The following DNAJC14 variants were observed in gnomAD, a reference collection of about 807,000 sequenced individuals.
DNAJC14 encodes DnaJ heat shock protein family (Hsp40) member C14, also known as dnaJ homolog subfamily C member 14.
DNAJC14 carries 12 observed loss-of-function variants against 68.8 expected under a neutral mutation model. That is an observed-to-expected ratio of 0.17 (90% confidence interval 0.11 to 0.28). DNAJC14 has a LOEUF of 0.28. Among genes scored for constraint, DNAJC14 ranks in the 10% least tolerant of loss-of-function variants. The probability of loss-of-function intolerance (pLI) is 1.00; values close to 1 mark genes in which losing one functional copy is unlikely to be tolerated. For synonymous variants in DNAJC14, 350 were observed against 321.5 expected (o/e 1.09, Z -0.95); for missense variants, 764 against 875.6 (o/e 0.87, Z 1.61).
At chr12:55,830,381 G>C (rs1305105441), upstream of DNAJC14, 1 of 152,250 alleles carries the variant, frequency 6.6e-6, no homozygotes, top group African/African-American at 2.4e-5. Flanking sequence ...AGACCCAGTT[G>C]GGTCCCCGTT....
rs556538236 is a variant in DNAJC14, at chr12:55,829,556, G to A, written c.-124C>T. The A allele has an allele frequency of 2.0e-6, 2 of 984,906 alleles. No homozygotes were observed. Among genetic ancestry groups the A allele is most frequent in the Non-Finnish European group, 2.4e-6 (2 of 829,886 alleles). 61.0% of individuals were successfully genotyped at this position (984,906 alleles called of 1,614,324 possible). ...GGGGCCAGGGTGAGCTACGAGAGCC[G>A]CTCTCCCGGCTCCGCCTCCCGCTCA... On this transcript the variant is annotated 5_prime_UTR_variant, in exon 1 of 7. Coordinates refer to ENST00000678005, the MANE Select transcript of DNAJC14 (RefSeq NM_032364.6).
At chr12:55,829,001 G>A (rs1880886121) in intron 1 of DNAJC14, 1 of 720,936 alleles carries the variant, frequency 1.4e-6, no homozygotes, top group Admixed American at 5.5e-5. Context: ...GGGAGGGTGG[G>A]TCACTCTTAG....
intron 2 of DNAJC14, among the ~76,000 whole-genome samples, chr12:55,823,895 G>A (rs1298274226): frequency 1.3e-5 from 2 of 149,112 alleles, no homozygotes; most frequent in Non-Finnish European, 3.0e-5. Context: ...GTGGAGACGG[G>A]GTTTCATCTA....
chr12:55,827,683 G>A lies in DNAJC14; in HGVS notation c.976C>T (p.Leu326=), dbSNP rs748424256. The A allele has an allele frequency of 1.7e-5, 28 of 1,613,924 alleles. No homozygotes were observed. Among genetic ancestry groups the A allele is most frequent in the East Asian group, 2.2e-5 (1 of 44,892 alleles). The change falls in exon 2 of 7, where the codon CTG becomes TTG. Residue 326 remains leucine, a synonymous_variant. Coordinates refer to ENST00000678005, the MANE Select transcript of DNAJC14 (RefSeq NM_032364.6). ...GVGLFTRFLK[L]LGALLLLALA... ...GCCAGGAGCAGCAAAGCACCCAGCA[G>A]CTTAAGAAAACGAGTAAACAGTCCT...
At position 55,828,388 on chromosome 12, in the gene DNAJC14, C is replaced by G. The variant is rs1239342924; in HGVS notation, c.271G>C (p.Asp91His). 1 of 1,614,102 alleles carries G rather than the reference C, an allele frequency of 6.2e-7. No individual in the cohort carries two copies. Among genetic ancestry groups the G allele is most frequent in the South Asian group, 1.1e-5 (1 of 91,072 alleles). Residue 91 changes from aspartate (D) to histidine (H), a missense_variant, in exon 2 of 7, where the codon GAT becomes CAT. Coordinates refer to ENST00000678005, the MANE Select transcript of DNAJC14 (RefSeq NM_032364.6). ...TCTTCTGAAGACGTCTCACTCTGAT[C>G]AGGGTCCTCTGCATCTCTAGGTGGT... ...PGPPRDAEDPDQSETSSEEES... is the reference protein window; with the variant it reads ...PGPPRDAEDPHQSETSSEEES...
At chr12:55,824,514 G>A (rs1017182481) in intron 2 of DNAJC14, among the ~76,000 whole-genome samples, 1 of 152,154 alleles carries the variant, frequency 6.6e-6, no homozygotes, top group African/African-American at 2.4e-5. Context: ...CTAAAATGCT[G>A]TCAAATTTCC....
At chr12:55,829,603 C>G (rs1435563865), upstream of DNAJC14, 1 of 985,396 alleles carries the variant, frequency 1.0e-6, no homozygotes, top group African/African-American at 1.7e-5. Context: ...CGCCTTCCGT[C>G]CCCGCGGCCG....
At chr12:55,826,079 C>G (rs1880787277) in intron 2 of DNAJC14, among the ~76,000 whole-genome samples, 1 of 151,774 alleles carries the variant, frequency 6.6e-6, no homozygotes, top group Admixed American at 6.6e-5. Context: ...AAAAGAAAAC[C>G]CTCATTTGTT....
At chr12:55,828,792 T>C in intron 1 of DNAJC14, 78 bp from the exon 2 acceptor site, 2 of 1,386,212 alleles carry the variant, frequency 1.4e-6, no homozygotes, top group Non-Finnish European at 1.9e-6. Flanking sequence ...AGTGGACACA[T>C]TTAATTCATC....
In DNAJC14 at chr12:55,828,193, G is replaced by C. The variant is rs1450794759; in HGVS notation, c.466C>G (p.His156Asp). ...TCCCCCAAAGCTGGAGAGGTACAGT[G>C]GTGGCAAAAGTTGCTAGAAGAACCA... ...GNGSSSNFCH[H>D]CTSPALGEDE... is the part of the protein sequence containing the mutation. The change falls in exon 2 of 7, where the codon CAC becomes GAC. Residue 156 changes from histidine (H) to aspartate (D), a missense_variant. His to Asp is a moderately conservative substitution (Grantham distance 81). Transcript: ENST00000678005. 1 of 1,611,958 alleles carries C rather than the reference G, an allele frequency of 6.2e-7. No individual in the cohort carries two copies. Among genetic ancestry groups the C allele is most frequent in the African/African-American group, 1.3e-5 (1 of 74,740 alleles).
At chr12:55,823,584 G>C (rs182849900) in intron 2 of DNAJC14, 76 bp from the exon 3 acceptor site, 2 of 1,317,596 alleles carry the variant, frequency 1.5e-6, no homozygotes, top group Non-Finnish European at 2.2e-6. Flanking sequence ...CATATCAAAG[G>C]GTTCTCTTTC....
In DNAJC14 at chr12:55,822,185, G is replaced by A. The variant is rs754887764; in HGVS notation, c.1901C>T (p.Ala634Val). ...ATCAGCAGGAGGGGCATCTGGGGTGGCTCTGAGGTAAAACAGAAGAAATAA... is the reference window on the plus strand; with the variant it reads ...ATCAGCAGGAGGGGCATCTGGGGTGACTCTGAGGTAAAACAGAAGAAATAA... ...RIPGTRGRQR[A>V]TPDAPPADLQ... Residue 634 changes from alanine (A) to valine (V), a missense_variant and splice_region_variant, in exon 7 of 7, where the codon GCC becomes GTC. Transcript: ENST00000678005. 13 of 1,585,430 alleles carry A rather than the reference G, an allele frequency of 8.2e-6. No homozygotes were observed. The highest frequency in any genetic ancestry group is 1.1e-5 in the Non-Finnish European group (13 of 1,167,070).
At chr12:55,824,733 T>G (rs2136218042) in intron 2 of DNAJC14, among the ~76,000 whole-genome samples, 1 of 152,256 alleles carries the variant, frequency 6.6e-6, no homozygotes. Flanking sequence ...TTGTTAAGAA[T>G]AATATTCTCC....
At chr12:55,822,234 GGTTACCTAA>G (rs1880686277) in intron 6 of DNAJC14, 47 bp from the exon 7 acceptor site, 1 of 1,537,340 alleles carries the variant, frequency 6.5e-7, no homozygotes, top group Non-Finnish European at 8.8e-7. Context: ...AGAGTCATAT[GGTTACCTAA>G]GTTAGATATA....
intron 2 of DNAJC14, among the ~76,000 whole-genome samples, chr12:55,825,797 C>G (rs754740489): frequency 1.3e-5 from 2 of 151,988 alleles, no homozygotes; most frequent in African/African-American, 2.4e-5. Context: ...GCCCACCTCA[C>G]CCTCCCAAAG....
Position 55,828,151 on chromosome 12 carries a change from C to G in DNAJC14, c.508G>C (p.Glu170Gln). Residue 170 changes from glutamate to glutamine, a missense_variant, in exon 2 of 7, where the codon GAA (glutamate) becomes CAA (glutamine). Glu to Gln is a conservative substitution (Grantham distance 29). This residue lies in a region of DNAJC14 where 514 missense variants were observed against 521.7 expected (regional missense o/e 0.99). Transcript: ENST00000678005. ...PALGEDELEE[E>Q]YDDEESLKFP... The stretch of plus-strand genomic sequence containing the variant: ...TTGAGAGATTCTTCATCATCATATT[C>G]CTCTTCCAACTCATCTTCCCCCAAA... 1 of 1,611,158 alleles carries G rather than the reference C, an allele frequency of 6.2e-7. No individual in the cohort carries two copies. The highest frequency in any genetic ancestry group is 8.5e-7 in the Non-Finnish European group (1 of 1,178,736).
intron 2 of DNAJC14, among the ~76,000 whole-genome samples, chr12:55,826,296 G>C (rs1366705636): frequency 8.7e-5 from 2 of 23,066 alleles, no homozygotes; most frequent in African/African-American, 6.3e-4. Flanking sequence ...TTTTTTTTTT[G>C]AGATGGTGTG....
At chr12:55,823,739 C>G (rs1880728482) in intron 2 of DNAJC14, among the ~76,000 whole-genome samples, 1 of 141,640 alleles carries the variant, frequency 7.1e-6, no homozygotes, top group African/African-American at 2.6e-5. Context: ...AAGTCTCGCT[C>G]TGTCACCCAG....
rs146741432 is a variant in DNAJC14 at position 55,823,153 on chromosome 12, T to G, written c.1551A>C (p.Val517=). The G allele has an allele frequency of 2.5e-6, 4 of 1,614,134 alleles. No homozygotes were observed. The African/African-American group carries it at 5.3e-5, about 22-fold the overall frequency. ...RMAENELSRS[V]NEFLSKLQDD... is the part of the protein sequence containing the mutation. ...CTTGCAGCTTGGACAGAAACTCATT[T>G]ACTGACCGGCTCAGCTCATTCTCTG... The change falls in exon 4 of 7, where the codon GTA becomes GTC. Residue 517 remains valine, a synonymous_variant. Coordinates refer to ENST00000678005, the MANE Select transcript of DNAJC14 (RefSeq NM_032364.6).
Sources: allele counts gnomAD v4.1 joint callset (sites outside exome capture counted in the v4.1 genomes callset), GRCh38; gene constraint gnomAD v4.1.1; regional missense constraint gnomAD v4.1.1; transcripts MANE v1.5; gene names NCBI Gene and HGNC (gene_info 2026-07-23, HGNC 2026-07-21).